The following PHACTR2 variants were observed in gnomAD, a reference collection of about 807,000 sequenced individuals.
The protein encoded by PHACTR2 is chromosome 6 open reading frame 56.
Under a neutral mutation model 76.0 loss-of-function variants are expected in PHACTR2, and 30 were observed. That is an observed-to-expected ratio of 0.39 (90% CI 0.30 to 0.54). The LOEUF (loss-of-function observed/expected upper bound fraction) is 0.54, where lower values mean the gene tolerates loss of function less well. Among genes scored for constraint, PHACTR2 ranks in the 20% least tolerant of loss-of-function variants. The pLI, the probability that PHACTR2 is intolerant of heterozygous loss-of-function variation, is 0.61. For missense variants in PHACTR2, 696 were observed against 781.1 expected (o/e 0.89, Z 1.30); for synonymous variants, 292 against 292.5 (o/e 1.00, Z 0.02).
Position 143,765,238 on chromosome 6 carries a change from A to C in PHACTR2, c.695-23A>C. Reference sequence around the variant, plus strand: ...AAAGCATTGTATTCTTTGATTTTTTAATGCAAGGTCTCTCTATTGTAGCTG... The same window carrying C: ...AAAGCATTGTATTCTTTGATTTTTTCATGCAAGGTCTCTCTATTGTAGCTG... On this transcript the variant is annotated intron_variant, in intron 5 of 12. Coordinates refer to ENST00000440869, the MANE Select transcript of PHACTR2 (RefSeq NM_001100164.2). The surrounding 1 kb of genome is among the most constrained non-coding windows in gnomAD (Gnocchi z 4.1). The C allele has an allele frequency of 6.4e-7, 1 of 1,560,740 alleles. No homozygotes were observed. The highest frequency in any genetic ancestry group is 8.7e-7 in the Non-Finnish European group (1 of 1,151,932).
In PHACTR2 at chr6:143,680,809, G is replaced by A. The variant is rs1273544394; in HGVS notation, c.46+2600G>A. Among the ~76,000 whole-genome samples, 1 of 151,998 alleles carries A rather than the reference G, an allele frequency of 6.6e-6. No individual in the cohort carries two copies. Among genetic ancestry groups the A allele is most frequent in the Non-Finnish European group, 1.5e-5 (1 of 67,984 alleles). ...TAATGAAACACTAATCAACTTTTCT[G>A]TCTCTATAGATTTTCTTATTGAGAA... is the stretch of plus-strand genomic sequence containing the variant. On this transcript the variant is annotated intron_variant, in intron 1 of 12. Coordinates refer to ENST00000440869, the MANE Select transcript of PHACTR2 (RefSeq NM_001100164.2). This position sits in a 1 kb window ranked among gnomAD's most constrained non-coding sequence, Gnocchi z 4.5.
intron 1 of PHACTR2, among the ~76,000 whole-genome samples, chr6:143,590,142 A>G (rs12212759): frequency 0.26 from 39,969 of 152,144 alleles, 7,025 homozygotes; most frequent in Non-Finnish European, 0.39. Context: ...TTTGATTTAC[A>G]TAAGAGTGGA....
rs1225481065 is a variant in PHACTR2 at position 143,789,920 on chromosome 6, G to C, written c.1845+1010G>C. 6.6e-6 allele frequency among the ~76,000 whole-genome samples: 1 copy of C among 152,206 alleles called. No individual in the cohort carries two copies. The highest frequency in any genetic ancestry group is 1.5e-5 in the Non-Finnish European group (1 of 68,032). Reference sequence around the variant, plus strand: ...CAAGAATAGAAGAGAAGGAGGCTGAGAAAAGCACTCCAGGGATGTTTTAGG... The same window carrying C: ...CAAGAATAGAAGAGAAGGAGGCTGACAAAAGCACTCCAGGGATGTTTTAGG... On this transcript the variant is annotated intron_variant, in intron 11 of 12. Coordinates refer to ENST00000440869, the MANE Select transcript of PHACTR2 (RefSeq NM_001100164.2). The surrounding 1 kb of genome is among the most constrained non-coding windows in gnomAD (Gnocchi z 5.1).
intron 2 of PHACTR2, among the ~76,000 whole-genome samples, chr6:143,716,835 T>C (rs1778313128): frequency 6.6e-6 from 1 of 152,170 alleles, no homozygotes. Flanking sequence ...AAGAGCTGGG[T>C]GAGCAGGGAG....
chr6:143,608,438 C>A lies in PHACTR2; in HGVS notation c.13+116C>A. On this transcript the variant is annotated intron_variant, in intron 1 of 11. Coordinates refer to the PHACTR2 transcript ENST00000305766. The surrounding 1 kb of genome is among the most constrained non-coding windows in gnomAD (Gnocchi z 4.6). ...TCGTTTTGCACTTAAATGTTCAAGA[C>A]TGAGACGCGTGTAATATGTGAACCC... 1.0e-6 allele frequency: 1 copy of A among 996,278 alleles called. No individual in the cohort carries two copies. Among genetic ancestry groups the A allele is most frequent in the Admixed American group, 1.9e-5 (1 of 52,758 alleles). The allele number at this position is 996,278 out of a possible 1,614,324, so 61.7% of individuals were successfully genotyped here. A position where few individuals can be genotyped will look rare whatever the true frequency, so the allele number is the denominator to read the frequency against.
chr6:143,797,747 TC>T (rs1439049224), intron 11 of PHACTR2, among the ~76,000 whole-genome samples: 1 of 152,122 alleles, frequency 6.6e-6, no homozygotes, highest in Non-Finnish European at 1.5e-5. Flanking sequence ...TCCGTTCTGT[TC>T]CATCAGTCTG....
chr6:143,564,202 T>C (rs1248960406), intron 1 of PHACTR2, among the ~76,000 whole-genome samples: 1 of 93,458 alleles, frequency 1.1e-5, no homozygotes, highest in Non-Finnish European at 2.3e-5. Context: ...TGTGCATATA[T>C]ATATATATAT....
chr6:143,766,546 T>C (rs947306786), intron 6 of PHACTR2, among the ~76,000 whole-genome samples: 2 of 152,250 alleles, frequency 1.3e-5, no homozygotes, highest in African/African-American at 4.8e-5. Flanking sequence ...GAAGATAAGA[T>C]GACCCTATTG....
At chr6:143,540,809 CAG>C (rs1190718399) in intron 1 of PHACTR2, among the ~76,000 whole-genome samples, 1 of 152,002 alleles carries the variant, frequency 6.6e-6, no homozygotes, top group Non-Finnish European at 1.5e-5. Flanking sequence ...ATTGAAGTAA[CAG>C]TGGAATTTAT....
At chr6:143,692,955 C>T (rs1777680066) in intron 1 of PHACTR2, among the ~76,000 whole-genome samples, 2 of 152,186 alleles carry the variant, frequency 1.3e-5, no homozygotes, top group Admixed American at 1.3e-4. Flanking sequence ...TTAGCTTCTG[C>T]TCAGAGCCTC....
At chr6:143,805,246 G>A (rs1288296425) in intron 11 of PHACTR2, among the ~76,000 whole-genome samples, 5 of 152,134 alleles carry the variant, frequency 3.3e-5, no homozygotes, top group Non-Finnish European at 5.9e-5. Context: ...TTGGGAGGCC[G>A]AGGCGGGCGG....
Position 143,753,813 on chromosome 6 carries a change from G to A in PHACTR2, c.355G>A (p.Glu119Lys), listed in dbSNP as rs761025303. The change falls in exon 4 of 13, where the codon GAA becomes AAA. Residue 119 changes from glutamate to lysine, a missense_variant. Around this residue, in one of 2 missense-constraint regions of PHACTR2, gnomAD observed 460 missense variants for 450.9 expected, o/e 1.02. Transcript: ENST00000440869. This position sits in a 1 kb window ranked among gnomAD's most constrained non-coding sequence, Gnocchi z 4.6. ...CGGGCACATGATACCCATCGGAGAG[G>A]AATCTACCCGAGAGGAAAATGTAGT... ...SNGHMIPIGE[E>K]STREENVVKS... is the part of the protein sequence containing the mutation. 1.2e-6 allele frequency: 2 copies of A among 1,611,480 alleles called. No individual in the cohort carries two copies. The highest frequency in any genetic ancestry group is 1.1e-5 in the South Asian group (1 of 90,928).
upstream of PHACTR2, among the ~76,000 whole-genome samples, chr6:143,607,003 C>T (rs1466044870): frequency 6.6e-6 from 1 of 152,084 alleles, no homozygotes; most frequent in African/African-American, 2.4e-5. Flanking sequence ...CCTGAAGTTA[C>T]ATTAAAAACA....
chr6:143,711,434 C>T (rs1487202415), intron 1 of PHACTR2, among the ~76,000 whole-genome samples: 2 of 152,198 alleles, frequency 1.3e-5, no homozygotes, highest in Admixed American at 6.5e-5. Flanking sequence ...TTATCACACA[C>T]AGTACCCAAA....
At chr6:143,699,324 A>T (rs9496738) in intron 1 of PHACTR2, among the ~76,000 whole-genome samples, 10 of 151,910 alleles carry the variant, frequency 6.6e-5, no homozygotes, top group African/African-American at 2.4e-4. Flanking sequence ...CCTTCTCCTC[A>T]GCCCATGAAC....
chr6:143,798,973 C>T (rs1775892745), intron 11 of PHACTR2, among the ~76,000 whole-genome samples: 1 of 152,194 alleles, frequency 6.6e-6, no homozygotes, highest in South Asian at 2.1e-4. Context: ...ACCAGCTCCT[C>T]TTTGTACTTC....
At chr6:143,593,533 T>C (rs1383124747) in intron 1 of PHACTR2, among the ~76,000 whole-genome samples, 1 of 152,204 alleles carries the variant, frequency 6.6e-6, no homozygotes, top group East Asian at 1.9e-4. Context: ...TCTTTTCATA[T>C]CTTGAATGGG....
rs894971528 is a variant in PHACTR2 at position 143,825,965 on chromosome 6, T to C, written c.*2276T>C. ...TTTCAAAATTGCATTTCTTGTATAA[T>C]AGGTCAGATTTATTAACTACTCATA... is the stretch of plus-strand genomic sequence containing the variant. On this transcript the variant is annotated 3_prime_UTR_variant, in exon 13 of 13. Transcript: ENST00000440869. This position sits in a 1 kb window ranked among gnomAD's most constrained non-coding sequence, Gnocchi z 4.1. 1 of 152,006 alleles carries C rather than the reference T, an allele frequency of 6.6e-6. No homozygotes were observed. Among genetic ancestry groups the C allele is most frequent in the Non-Finnish European group, 1.5e-5 (1 of 68,008 alleles). The allele number at this position is 152,006 out of a possible 1,614,324, so 9.4% of individuals were successfully genotyped here.
upstream of PHACTR2, among the ~76,000 whole-genome samples, chr6:143,607,711 A>G (rs1169606743): frequency 2.0e-5 from 3 of 152,230 alleles, no homozygotes; most frequent in Admixed American, 2.0e-4. Flanking sequence ...TATTAAAGAT[A>G]GTCTTTATTT....
Sources: allele counts gnomAD v4.1 joint callset (sites outside exome capture counted in the v4.1 genomes callset), GRCh38; gene constraint gnomAD v4.1.1; regional missense constraint gnomAD v4.1.1; non-coding constraint Gnocchi (gnomAD v3.1); transcripts MANE v1.5; gene names NCBI Gene and HGNC (gene_info 2026-07-23, HGNC 2026-07-21).